Variants in CYP7B1 observed in about 807,000 individuals in gnomAD.
CYP7B1 encodes cytochrome P450 family 7 subfamily B member 1, also known as cytochrome P450 7B1.
Under a neutral mutation model 42.7 loss-of-function variants are expected in CYP7B1, and 29 were observed. The observed-to-expected ratio is 0.68, with a 90% confidence interval of 0.51 to 0.93. CYP7B1 has a LOEUF of 0.93. Among genes scored for constraint, CYP7B1 ranks in the 40% least tolerant of loss-of-function variants. The pLI, the probability that CYP7B1 is intolerant of heterozygous loss-of-function variation, is 0.00. For missense variants in CYP7B1, 655 were observed against 600.5 expected, an observed-to-expected ratio of 1.09 and a Z score of -0.95; for synonymous variants, 235 against 218.2, an observed-to-expected ratio of 1.08 and a Z score of -0.68.
chr8:64,678,881 C>CTGTGTG (rs56067911), intron 1 of CYP7B1, among the ~76,000 whole-genome samples: 4,984 of 147,670 alleles, frequency 0.034, 72 homozygotes, highest in Middle Eastern at 0.049. Context: ...AACATCAATG[C>CTGTGTG]TGTGTGTGTG....
intron 1 of CYP7B1, among the ~76,000 whole-genome samples, chr8:64,784,680 T>C (rs1267307821): frequency 2.6e-5 from 4 of 152,214 alleles, no homozygotes; most frequent in Admixed American, 6.5e-5. Flanking sequence ...CTTGCCACTA[T>C]ATGAAGCTGC....
intron 1 of CYP7B1, among the ~76,000 whole-genome samples, chr8:64,636,700 A>G (rs576673073): frequency 1.6e-4 from 25 of 152,310 alleles, no homozygotes; most frequent in African/African-American, 5.5e-4. Flanking sequence ...AAGAAACTCT[A>G]ACATTCTAGG....
At chr8:64,772,372 T>TGTCCTCTAGAGTGTGA (rs1356152119) in intron 1 of CYP7B1, among the ~76,000 whole-genome samples, 1 of 152,210 alleles carries the variant, frequency 6.6e-6, no homozygotes, top group East Asian at 1.9e-4. Context: ...TAGGACAGAT[T>TGTCCTCTAGAGTGTGA]GTCCTCTAGA....
downstream of CYP7B1, among the ~76,000 whole-genome samples, chr8:64,586,825 C>T (rs760109303): frequency 6.6e-6 from 1 of 152,194 alleles, no homozygotes; most frequent in Admixed American, 6.5e-5. Context: ...CTCCTGTGCT[C>T]TCTGTATTGG....
At chr8:64,774,299 A>C (rs1341171800) in intron 1 of CYP7B1, among the ~76,000 whole-genome samples, 1 of 152,234 alleles carries the variant, frequency 6.6e-6, no homozygotes, top group Non-Finnish European at 1.5e-5. Flanking sequence ...CTATGTAACC[A>C]GTAGCTAACA....
At chr8:64,768,577 C>T (rs756517740) in intron 1 of CYP7B1, among the ~76,000 whole-genome samples, 8 of 152,110 alleles carry the variant, frequency 5.3e-5, no homozygotes, top group Non-Finnish European at 1.0e-4. Context: ...AGAAAGAGAT[C>T]GTTCACTTAG....
At chr8:64,603,742 C>T (rs965588676) in intron 5 of CYP7B1, among the ~76,000 whole-genome samples, 4 of 152,208 alleles carry the variant, frequency 2.6e-5, no homozygotes, top group African/African-American at 9.7e-5. Flanking sequence ...AAGTCATTCA[C>T]CTTTGCTGCT....
chr8:64,607,782 G>C (rs1367136337), intron 4 of CYP7B1, among the ~76,000 whole-genome samples: 1 of 152,184 alleles, frequency 6.6e-6, no homozygotes, highest in African/African-American at 2.4e-5. Flanking sequence ...ATCTGTAAAT[G>C]TTTTATAAAA....
chr8:64,629,428 T>C (rs1233554222), intron 1 of CYP7B1, among the ~76,000 whole-genome samples: 1 of 152,192 alleles, frequency 6.6e-6, no homozygotes, highest in Non-Finnish European at 1.5e-5. Flanking sequence ...TTAAAAGTGC[T>C]TAAAGATGTA....
intron 1 of CYP7B1, among the ~76,000 whole-genome samples, chr8:64,798,263 A>G (rs1277556023): frequency 6.6e-6 from 1 of 152,242 alleles, no homozygotes; most frequent in African/African-American, 2.4e-5. Context: ...TTCGGTCCCA[A>G]AGCTTTAATA....
intron 1 of CYP7B1, among the ~76,000 whole-genome samples, chr8:64,692,943 A>G (rs1014779775): frequency 1.3e-5 from 2 of 152,200 alleles, no homozygotes; most frequent in African/African-American, 4.8e-5. Context: ...CCAGAATTTC[A>G]TATTTGGAGT....
chr8:64,764,492 TG>T, intron 1 of CYP7B1, among the ~76,000 whole-genome samples: 1 of 152,158 alleles, frequency 6.6e-6, no homozygotes, highest in South Asian at 2.1e-4. Context: ...CTTTAAAAGC[TG>T]GGGTAAATTT....
chr8:64,798,250 G>C (rs1038065042), intron 1 of CYP7B1, among the ~76,000 whole-genome samples: 1 of 152,240 alleles, frequency 6.6e-6, no homozygotes, highest in Non-Finnish European at 1.5e-5. Context: ...GCAGCAAATG[G>C]AATTCGGTCC....
intron 1 of CYP7B1, among the ~76,000 whole-genome samples, chr8:64,679,844 C>A (rs1806509596): frequency 6.6e-6 from 1 of 152,196 alleles, no homozygotes; most frequent in Admixed American, 6.5e-5. Flanking sequence ...TATCCAGTAT[C>A]TCCAAAAGTT....
chr8:64,754,552 A>T (rs749752865), intron 1 of CYP7B1, among the ~76,000 whole-genome samples: 59 of 152,162 alleles, frequency 3.9e-4, no homozygotes, highest in Admixed American at 6.5e-4. Flanking sequence ...AAGTAAGTCC[A>T]ACAAAGGTGA....
intron 1 of CYP7B1, among the ~76,000 whole-genome samples, chr8:64,716,496 C>A (rs1313889924): frequency 6.6e-6 from 1 of 152,076 alleles, no homozygotes; most frequent in Non-Finnish European, 1.5e-5. Flanking sequence ...CACCTGAGGT[C>A]AAGAGGTCGA....
At chr8:64,784,479 T>C (rs1360205202) in intron 1 of CYP7B1, among the ~76,000 whole-genome samples, 1 of 152,168 alleles carries the variant, frequency 6.6e-6, no homozygotes, top group African/African-American at 2.4e-5. Flanking sequence ...AACTCAACAG[T>C]AGAATTCTCT....
chr8:64,677,699 C>T (rs1438265730), intron 1 of CYP7B1, among the ~76,000 whole-genome samples: 3 of 136,318 alleles, frequency 2.2e-5, no homozygotes, highest in Non-Finnish European at 4.6e-5. Flanking sequence ...AGGAACCACA[C>T]TCCTTGGTTT....
At chr8:64,727,371 A>G (rs758133108) in intron 1 of CYP7B1, among the ~76,000 whole-genome samples, 51 of 152,324 alleles carry the variant, frequency 3.3e-4, no homozygotes, top group Non-Finnish European at 6.3e-4. Flanking sequence ...TCATTCAATT[A>G]TCTTTCCTCA....
Sources: allele counts gnomAD v4.1 joint callset (sites outside exome capture counted in the v4.1 genomes callset), GRCh38; gene constraint gnomAD v4.1.1; transcripts MANE v1.5; gene names NCBI Gene and HGNC (gene_info 2026-07-23, HGNC 2026-07-21).